Variants in DOCK4 observed in about 807,000 individuals in gnomAD.
DOCK4 encodes dedicator of cytokinesis protein 4.
A neutral mutation model predicts 268.1 loss-of-function variants in DOCK4; 97 were observed. The ratio of observed to expected loss-of-function variants is 0.36; its 90% confidence interval spans 0.31 to 0.43. DOCK4 has a LOEUF of 0.43. Among genes scored for constraint, DOCK4 ranks in the 20% least tolerant of loss-of-function variants. DOCK4 has a pLI of 1.00. For synonymous variants in DOCK4, 954 were observed against 887.2 expected, an observed-to-expected ratio of 1.08 and a Z score of -1.34; for missense variants, 2,145 against 2,455.7, an observed-to-expected ratio of 0.87 and a Z score of 2.67.
chr7:112,175,717 TTAA>T (rs1818453713), intron 1 of DOCK4, among the ~76,000 whole-genome samples: 1 of 152,208 alleles, frequency 6.6e-6, no homozygotes, highest in African/African-American at 2.4e-5. Context: ...AATTTATCTC[TTAA>T]TGAGACATAT....
At chr7:111,781,581 T>C (rs1386673840) in intron 35 of DOCK4, among the ~76,000 whole-genome samples, 1 of 152,178 alleles carries the variant, frequency 6.6e-6, no homozygotes, top group Non-Finnish European at 1.5e-5. Flanking sequence ...TAGAGGATGC[T>C]TAGGTCTCAC....
intron 1 of DOCK4, among the ~76,000 whole-genome samples, chr7:112,133,164 A>G (rs979869053): frequency 5.3e-5 from 8 of 152,094 alleles, no homozygotes; most frequent in African/African-American, 1.9e-4. Flanking sequence ...TTTTGAGGAG[A>G]GGTGACAGGC....
chr7:111,860,157 C>T lies in DOCK4; in HGVS notation c.2473+3215G>A, dbSNP rs530234607. ...TGCATTTCACATCTTCTTTTCCTTC[C>T]GACATCTCCTCTTTCAACTAGACAA... On this transcript the variant is annotated intron_variant, in intron 23 of 52. Coordinates refer to ENST00000428084, the MANE Select transcript of DOCK4 (RefSeq NM_001363540.2). 3.3e-5 allele frequency among the ~76,000 whole-genome samples: 5 copies of T among 152,272 alleles called. No individual in the cohort carries two copies. In the South Asian group the frequency reaches 1.0e-3, roughly 32 times the overall value.
intron 47 of DOCK4, chr7:111,739,702 C>A: frequency 1.8e-6 from 1 of 542,570 alleles, no homozygotes; most frequent in Non-Finnish European, 3.3e-6. Context: ...TTAGATTCAG[C>A]TATACACTGT....
intron 13 of DOCK4, among the ~76,000 whole-genome samples, chr7:111,910,818 C>A (rs1792033752): frequency 6.6e-6 from 1 of 152,126 alleles, no homozygotes; most frequent in Non-Finnish European, 1.5e-5. Context: ...AAGTCTGACA[C>A]TCTAAGAAAT....
chr7:112,048,389 C>CAAAAAAAAA (rs59810546), intron 1 of DOCK4, among the ~76,000 whole-genome samples: 809 of 68,716 alleles, frequency 0.012, no homozygotes, highest in Non-Finnish European at 0.021. Context: ...ACTAAAAATA[C>CAAAAAAAAA]AAAAAAAAAA....
In DOCK4 at chr7:111,741,613, T is replaced by A. The variant is rs1795922976; in HGVS notation, c.4846A>T (p.Ser1616Cys). ...GCTGAGTTTCTACACACACGAGGGC[T>A]TCCATTAGGAAAATGGACAGGACTG... Reference protein sequence around the residue: ...QASPVHFPNGSPRVCRNSAPA... With the variant: ...QASPVHFPNGCPRVCRNSAPA... The change falls in exon 46 of 53, where the codon AGC becomes TGC. Residue 1616 changes from serine to cysteine, a missense_variant. Physicochemically the swap from Ser to Cys is moderately radical, Grantham distance 112 (BLOSUM62 -1). Transcript: ENST00000428084. 1.2e-6 allele frequency: 2 copies of A among 1,613,524 alleles called. No individual in the cohort carries two copies. Among genetic ancestry groups the A allele is most frequent in the Non-Finnish European group, 1.7e-6 (2 of 1,179,758 alleles).
At chr7:111,927,811 G>T (rs73428857) in intron 12 of DOCK4, among the ~76,000 whole-genome samples, 27,819 of 151,960 alleles carry the variant, frequency 0.18, 3,196 homozygotes, top group East Asian at 0.35. Context: ...CTGACTATTT[G>T]GAGAGACACC....
Position 112,184,427 on chromosome 7 carries a change from C to T in DOCK4, c.37+21675G>A, listed in dbSNP as rs142009606. ...CAGTGCAGAGCTGTAGTCTCCACCC[C>T]GGCCTCACCCAGGGGCATTACAGTT... On this transcript the variant is annotated intron_variant, in intron 1 of 52. Coordinates refer to ENST00000428084, the MANE Select transcript of DOCK4 (RefSeq NM_001363540.2). 1.2e-3 allele frequency among the ~76,000 whole-genome samples: 176 copies of T among 152,318 alleles called. 2 individuals carry two copies. In the East Asian group the frequency reaches 0.028, roughly 24 times the overall value.
chr7:112,130,760 A>C (rs1813726688), intron 1 of DOCK4, among the ~76,000 whole-genome samples: 1 of 152,236 alleles, frequency 6.6e-6, no homozygotes. Flanking sequence ...AGGCTGAGTA[A>C]AAATACAGAC....
intron 22 of DOCK4, among the ~76,000 whole-genome samples, chr7:111,864,257 A>AC (rs1805793286): frequency 6.6e-6 from 1 of 151,548 alleles, no homozygotes; most frequent in Non-Finnish European, 1.5e-5. Context: ...AAAAAAAAAA[A>AC]CCCGATCATC....
chr7:111,968,619 A>C (rs1464546626), intron 8 of DOCK4, among the ~76,000 whole-genome samples: 1 of 115,668 alleles, frequency 8.6e-6, no homozygotes, highest in Admixed American at 8.1e-5. Context: ...GTGGGACTGT[A>C]AACTAGTTCA....
At chr7:112,007,162 G>A (rs1272588516) in intron 1 of DOCK4, among the ~76,000 whole-genome samples, 2 of 152,062 alleles carry the variant, frequency 1.3e-5, no homozygotes, top group African/African-American at 4.8e-5. Flanking sequence ...GTGTTCTCAG[G>A]ACACTCCGAC....
intron 1 of DOCK4, among the ~76,000 whole-genome samples, chr7:112,004,807 G>T (rs868555743): frequency 6.6e-6 from 1 of 152,106 alleles, no homozygotes; most frequent in Non-Finnish European, 1.5e-5. Flanking sequence ...CTTGGAATGG[G>T]GAGGGGGATC....
At chr7:112,002,062 A>G (rs1800469813) in intron 2 of DOCK4, among the ~76,000 whole-genome samples, 3 of 152,220 alleles carry the variant, frequency 2.0e-5, no homozygotes, top group Admixed American at 2.0e-4. Flanking sequence ...CAATGATTAA[A>G]TTTTAGGCAA....
intron 8 of DOCK4, among the ~76,000 whole-genome samples, chr7:111,952,801 G>A (rs576517832): frequency 6.6e-5 from 10 of 152,058 alleles, no homozygotes; most frequent in East Asian, 3.9e-4. Context: ...ACATTTAGAC[G>A]GTCATGTTCT....
chr7:112,088,918 G>A (rs534879537), intron 1 of DOCK4, among the ~76,000 whole-genome samples: 1 of 152,126 alleles, frequency 6.6e-6, no homozygotes, highest in Non-Finnish European at 1.5e-5. Context: ...AGAGCTTACA[G>A]TAACAGCTGG....
intron 8 of DOCK4, among the ~76,000 whole-genome samples, chr7:111,949,988 G>A (rs1014433846): frequency 1.3e-4 from 20 of 152,110 alleles, no homozygotes; most frequent in African/African-American, 4.1e-4. Flanking sequence ...GTACAGCAGC[G>A]CGATCTCAGC....
At chr7:111,794,019 A>G (rs1053980406) in intron 30 of DOCK4, among the ~76,000 whole-genome samples, 7 of 152,126 alleles carry the variant, frequency 4.6e-5, no homozygotes, top group Non-Finnish European at 1.0e-4. Flanking sequence ...GTGGTGGCCA[A>G]TTAGAGCTTT....
Sources: gnomAD v4.1 joint callset for allele counts (sites outside exome capture counted in the v4.1 genomes callset) on GRCh38, gnomAD v4.1.1 for gene constraint, MANE v1.5 for transcripts, NCBI Gene and HGNC (gene_info 2026-07-23, HGNC 2026-07-21) for gene names.